The following TAFA1 variants were observed in gnomAD, a reference collection of about 807,000 sequenced individuals.
TAFA1 encodes the protein chemokine-like protein TAFA-1.
Under a neutral mutation model 18.5 loss-of-function variants are expected in TAFA1, and 4 were observed. The observed-to-expected ratio is 0.22, with a 90% confidence interval of 0.11 to 0.49. The LOEUF is 0.49. Ranked by LOEUF, TAFA1 falls within the 20% of genes least tolerant of loss-of-function variation. The pLI, the probability that TAFA1 is intolerant of heterozygous loss-of-function variation, is 0.98. For synonymous variants in TAFA1, 56 were observed against 55.2 expected (o/e 1.01, Z -0.06); for missense variants, 147 against 169.0 (o/e 0.87, Z 0.72).
chr3:68,098,260 T>G (rs985944093), intron 2 of TAFA1, among the ~76,000 whole-genome samples: 1 of 152,090 alleles, frequency 6.6e-6, no homozygotes, highest in African/African-American at 2.4e-5. Context: ...TGTGACTGTT[T>G]TTTTTTAAAT....
intron 2 of TAFA1, among the ~76,000 whole-genome samples, chr3:68,208,440 C>T (rs1575680417): frequency 6.6e-6 from 1 of 152,042 alleles, no homozygotes; most frequent in Non-Finnish European, 1.5e-5. Flanking sequence ...AGGGTCCCAC[C>T]AGATTTAAGA....
At chr3:68,182,888 T>C (rs1575665629) in intron 2 of TAFA1, among the ~76,000 whole-genome samples, 1 of 152,290 alleles carries the variant, frequency 6.6e-6, no homozygotes, top group African/African-American at 2.4e-5. Context: ...TAAGAATAGG[T>C]TGGATTGCAT....
At chr3:68,134,091 A>G (rs2065577445) in intron 2 of TAFA1, among the ~76,000 whole-genome samples, 1 of 36,162 alleles carries the variant, frequency 2.8e-5, no homozygotes, top group African/African-American at 6.2e-5. Flanking sequence ...AAACAATGAG[A>G]AAAAAAAAAC....
chr3:68,443,267 C>A, intron 3 of TAFA1, among the ~76,000 whole-genome samples: 1 of 152,106 alleles, frequency 6.6e-6, no homozygotes, highest in Non-Finnish European at 1.5e-5. Flanking sequence ...CCCTGGAAGG[C>A]AGCTACCTTT....
At chr3:68,351,664 T>C (rs985822855) in intron 2 of TAFA1, among the ~76,000 whole-genome samples, 4 of 152,074 alleles carry the variant, frequency 2.6e-5, no homozygotes, top group African/African-American at 9.6e-5. Context: ...ACTTTGAGTC[T>C]CTAGGGGTAG....
chr3:68,417,078 T>C (rs1197127330), intron 2 of TAFA1, among the ~76,000 whole-genome samples: 1 of 152,166 alleles, frequency 6.6e-6, no homozygotes, highest in Non-Finnish European at 1.5e-5. Context: ...TATCCATTGG[T>C]ATTCTTTGCT....
chr3:68,039,474 T>G (rs917128970), intron 2 of TAFA1, among the ~76,000 whole-genome samples: 2 of 152,192 alleles, frequency 1.3e-5, no homozygotes, highest in Non-Finnish European at 1.5e-5. Context: ...ATATATGCAC[T>G]AAGAAAATGT....
In TAFA1 at chr3:68,218,067, A is replaced by G. The variant is rs116250359; in HGVS notation, c.119-199213A>G. ...ATCTTTATGACAAATGGATCTTTAC[A>G]CAATATGTTTCCTGGAGATTTAATT... is the stretch of plus-strand genomic sequence containing the variant. On this transcript the variant is annotated intron_variant, in intron 2 of 4. Coordinates refer to ENST00000478136, the MANE Select transcript of TAFA1 (RefSeq NM_213609.4). Among the ~76,000 whole-genome samples, 1,113 of 152,186 alleles carry G rather than the reference A, an allele frequency of 7.3e-3. 14 individuals are homozygous for G. Among genetic ancestry groups the G allele is most frequent in the African/African-American group, 0.025 (1,058 of 41,552 alleles).
chr3:68,032,972 T>G (rs1367459075), intron 2 of TAFA1, among the ~76,000 whole-genome samples: 1 of 152,194 alleles, frequency 6.6e-6, no homozygotes, highest in Non-Finnish European at 1.5e-5. Flanking sequence ...TTCCTTCCTA[T>G]GTATGATATC....
At chr3:68,095,521 C>A (rs1031231972) in intron 2 of TAFA1, among the ~76,000 whole-genome samples, 1 of 152,056 alleles carries the variant, frequency 6.6e-6, no homozygotes, top group Non-Finnish European at 1.5e-5. Flanking sequence ...CTTTATGCTG[C>A]AGAGTTTTCA....
intron 3 of TAFA1, among the ~76,000 whole-genome samples, chr3:68,499,537 C>T (rs1467058730): frequency 2.1e-5 from 3 of 143,858 alleles, no homozygotes; most frequent in Non-Finnish European, 4.5e-5. Flanking sequence ...TTCAATTTAA[C>T]CATGAAAAGG....
intron 3 of TAFA1, among the ~76,000 whole-genome samples, chr3:68,514,303 T>A (rs990594331): frequency 6.6e-6 from 1 of 152,194 alleles, no homozygotes; most frequent in South Asian, 2.1e-4. Context: ...TATTTTTAAA[T>A]GTGGTCCTTA....
intron 3 of TAFA1, among the ~76,000 whole-genome samples, chr3:68,430,292 A>G (rs1169745436): frequency 6.6e-6 from 1 of 151,960 alleles, no homozygotes; most frequent in African/African-American, 2.4e-5. Context: ...CATAGAAGAG[A>G]GCATGCAGAA....
intron 2 of TAFA1, among the ~76,000 whole-genome samples, chr3:68,132,387 A>G (rs534604431): frequency 2.0e-5 from 3 of 152,338 alleles, no homozygotes; most frequent in African/African-American, 7.2e-5. Context: ...TCCTTTGAGT[A>G]TACCCAGTAA....
intron 2 of TAFA1, among the ~76,000 whole-genome samples, chr3:68,302,878 T>C (rs924747809): frequency 2.0e-5 from 3 of 152,226 alleles, no homozygotes; most frequent in Non-Finnish European, 4.4e-5. Context: ...ATAAGGGTTC[T>C]AGAGCCAAAA....
At chr3:68,071,453 T>A (rs1369083659) in intron 2 of TAFA1, among the ~76,000 whole-genome samples, 2 of 152,036 alleles carry the variant, frequency 1.3e-5, no homozygotes, top group Non-Finnish European at 2.9e-5. Flanking sequence ...ACAGCCAAAC[T>A]ATATCAGATG....
At chr3:68,055,792 T>G (rs2064528736) in intron 2 of TAFA1, among the ~76,000 whole-genome samples, 1 of 152,138 alleles carries the variant, frequency 6.6e-6, no homozygotes, top group Non-Finnish European at 1.5e-5. Context: ...TCCATCTTCT[T>G]TATCTATGCT....
rs76040952 is a variant in TAFA1 at position 68,361,347 on chromosome 3, G to A, written c.119-55933G>A. Among the ~76,000 whole-genome samples, 35 of 152,134 alleles carry A rather than the reference G, an allele frequency of 2.3e-4. No homozygotes were observed. The East Asian group carries it at 6.8e-3, about 29-fold the overall frequency. Reference sequence around the variant, plus strand: ...AGATATCAGAGGCTGAGAAAGGTGTGTGAGTGAGTAGGGTTACAGAAAAAG... The same window carrying A: ...AGATATCAGAGGCTGAGAAAGGTGTATGAGTGAGTAGGGTTACAGAAAAAG... On this transcript the variant is annotated intron_variant, in intron 2 of 4. Transcript: ENST00000478136.
intron 3 of TAFA1, among the ~76,000 whole-genome samples, chr3:68,478,865 A>G (rs1048105545): frequency 7.3e-5 from 11 of 151,678 alleles, no homozygotes; most frequent in Admixed American, 1.3e-4. Flanking sequence ...TTTATGAAAT[A>G]TTGAAATATC....
Sources: allele counts gnomAD v4.1 joint callset (sites outside exome capture counted in the v4.1 genomes callset), GRCh38; gene constraint gnomAD v4.1.1; transcripts MANE v1.5; gene names NCBI Gene and HGNC (gene_info 2026-07-23, HGNC 2026-07-21).